Variants in TUBB8 observed in about 807,000 individuals in gnomAD.
TUBB8 encodes the protein tubulin beta-8 chain.
Under a neutral mutation model 33.7 loss-of-function variants are expected in TUBB8, and 25 were observed. The ratio of observed to expected loss-of-function variants is 0.74; its 90% CI spans 0.54 to 1.04. The LOEUF (loss-of-function observed/expected upper bound fraction) is 1.04, where lower values mean the gene tolerates loss of function less well. Among genes scored for constraint, TUBB8 ranks in the 50% least tolerant of loss-of-function variants. The pLI, the probability that TUBB8 is intolerant of heterozygous loss-of-function variation, is 0.00. For synonymous variants in TUBB8, 245 were observed against 240.1 expected (o/e 1.02, Z -0.19); for missense variants, 279 against 608.0 (o/e 0.46, Z 5.69).
upstream of TUBB8, among the ~76,000 whole-genome samples, chr10:75,759 A>G (rs1479378208): frequency 5.9e-5 from 9 of 151,982 alleles, no homozygotes; most frequent in Non-Finnish European, 1.2e-4. Context: ...CCTGTCGCCC[A>G]GACTGGAGTG....
chr10:75,023 C>T (rs1267892497), upstream of TUBB8, among the ~76,000 whole-genome samples: 6 of 151,726 alleles, frequency 4.0e-5, no homozygotes, highest in East Asian at 8.0e-4. Flanking sequence ...TACAGGTGCG[C>T]GCCACCATGC....
chr10:55,590 T>G (rs369847601), intron 1 of TUBB8, among the ~76,000 whole-genome samples: 2 of 143,874 alleles, frequency 1.4e-5, no homozygotes, highest in African/African-American at 5.2e-5. Context: ...GTTTCCCCAG[T>G]GTTTTCTTGT....
intron 1 of TUBB8, among the ~76,000 whole-genome samples, chr10:70,862 AAAG>A (rs1449425455): frequency 6.7e-6 from 1 of 149,136 alleles, no homozygotes; most frequent in Non-Finnish European, 1.5e-5. Context: ...AAAATAAAAA[AAAG>A]GAGAAACATA....
chr10:72,082 A>G (rs1396009284), intron 1 of TUBB8, among the ~76,000 whole-genome samples: 1 of 127,344 alleles, frequency 7.9e-6, no homozygotes, highest in Non-Finnish European at 1.7e-5. Flanking sequence ...AAAATTAGCC[A>G]GGCATTCTGG....
At chr10:64,973 AC>A (rs1437076450) in intron 1 of TUBB8, among the ~76,000 whole-genome samples, 1 of 67,524 alleles carries the variant, frequency 1.5e-5, no homozygotes, top group African/African-American at 5.0e-5. Flanking sequence ...CCCCATCTCC[AC>A]TAAAAAAAAA....
chr10:49,904 C>T (rs117205301), upstream of TUBB8: 4,637 of 182,464 alleles, frequency 0.025, 84 homozygotes, highest in Non-Finnish European at 0.038. Context: ...TTTTGGGATA[C>T]GCCTGCTGTG....
intron 1 of TUBB8, among the ~76,000 whole-genome samples, chr10:54,391 A>G (rs1238403413): frequency 4.4e-4 from 67 of 151,552 alleles, no homozygotes; most frequent in Non-Finnish European, 1.5e-4. Context: ...TTATAGCTGA[A>G]TAGTACTCCA....
intron 1 of TUBB8, among the ~76,000 whole-genome samples, chr10:59,152 A>T (rs560300108): frequency 2.0e-5 from 3 of 152,198 alleles, no homozygotes; most frequent in Non-Finnish European, 4.4e-5. Flanking sequence ...AATTTTATCA[A>T]ATACTTTTTT....
At chr10:73,396 T>G (rs1174439410) in intron 1 of TUBB8, among the ~76,000 whole-genome samples, 2 of 152,202 alleles carry the variant, frequency 1.3e-5, no homozygotes, top group East Asian at 3.9e-4. Context: ...ATCCCAGCAC[T>G]TTGGGAGGCC....
At chr10:69,337 C>G (rs1312354436) in intron 1 of TUBB8, among the ~76,000 whole-genome samples, 4 of 152,324 alleles carry the variant, frequency 2.6e-5, no homozygotes, top group Non-Finnish European at 5.9e-5. Flanking sequence ...CATGTTCCCT[C>G]AAGCCATTCA....
At chr10:73,519 T>C (rs1380279199) in intron 1 of TUBB8, among the ~76,000 whole-genome samples, 1 of 152,182 alleles carries the variant, frequency 6.6e-6, no homozygotes, top group Non-Finnish European at 1.5e-5. Flanking sequence ...GGCGCATGCC[T>C]GTAATCCCAG....
At chr10:49,525 A>G (rs1379642461), upstream of TUBB8, 9 of 635,738 alleles carry the variant, frequency 1.4e-5, no homozygotes, top group Admixed American at 1.7e-4. Flanking sequence ...TAGTAAGACT[A>G]AATCCCTAGC....
chr10:62,282 T>A (rs112776231), intron 1 of TUBB8, among the ~76,000 whole-genome samples: 2 of 146,290 alleles, frequency 1.4e-5, no homozygotes, highest in South Asian at 4.4e-4. Flanking sequence ...TTTAAAATTA[T>A]CATGAGGCTT....
intron 1 of TUBB8, among the ~76,000 whole-genome samples, chr10:58,164 C>T (rs1238319869): frequency 6.6e-6 from 1 of 152,222 alleles, no homozygotes; most frequent in African/African-American, 2.4e-5. Context: ...CATGAATGAC[C>T]TTTGCTTCGG....
Position 47,847 on chromosome 10 carries a change from G to T in TUBB8, c.545C>A (p.Pro182His). ...SPKVSDTVVE[P>H]YNATLSVHQL... ...GTGGACTGAGAGGGTGGCGTTGTAG[G>T]GCTCCACCACGGTGTCCGACACCTT... Residue 182 changes from proline to histidine, a missense_variant, in exon 4 of 4, where the codon CCC becomes CAC. Coordinates refer to ENST00000568584, the MANE Select transcript of TUBB8 (RefSeq NM_177987.3). 2 of 1,614,230 alleles carry T rather than the reference G, an allele frequency of 1.2e-6. No individual in the cohort carries two copies. The highest frequency in any genetic ancestry group is 3.3e-5 in the Admixed American group (2 of 60,032).
chr10:49,452 T>C, upstream of TUBB8: 6 of 618,008 alleles, frequency 9.7e-6, no homozygotes. Context: ...AGCTCAGGTG[T>C]CCTTGCGTGG....
chr10:71,923 A>AAAT (rs1450687879), intron 1 of TUBB8, among the ~76,000 whole-genome samples: 2,569 of 113,318 alleles, frequency 0.023, no homozygotes, highest in African/African-American at 0.06. Flanking sequence ...AAAAAAAAAA[A>AAAT]TCAATCAATA....
At chr10:72,839 GACACTCCATCTCA>G (rs1294615756) in intron 1 of TUBB8, among the ~76,000 whole-genome samples, 2 of 142,154 alleles carry the variant, frequency 1.4e-5, no homozygotes, top group Admixed American at 1.4e-4. Context: ...GAGACAGAGC[GACACTCCATCTCA>G]AAAAAAAAAA....
intron 1 of TUBB8, among the ~76,000 whole-genome samples, chr10:56,149 CTTTCT>C (rs1554740136): frequency 2.0e-5 from 3 of 151,352 alleles, no homozygotes; most frequent in Non-Finnish European, 2.9e-5. Flanking sequence ...TTTGTCTTCT[CTTTCT>C]TTTATCAGTG....
Sources: gnomAD v4.1 joint callset for allele counts (sites outside exome capture counted in the v4.1 genomes callset) on GRCh38, gnomAD v4.1.1 for gene constraint, MANE v1.5 for transcripts, NCBI Gene and HGNC (gene_info 2026-07-23, HGNC 2026-07-21) for gene names.